The following RAPGEF4 variants were observed in gnomAD, a reference collection of about 807,000 sequenced individuals.
RAPGEF4 encodes Rap guanine nucleotide exchange factor 4, also known as RAP guanine-nucleotide-exchange factor (GEF) 4.
In RAPGEF4, 66 loss-of-function variants were observed where a neutral mutation model predicts 147.9. That is an observed-to-expected ratio of 0.45 (90% CI 0.37 to 0.55). The LOEUF is 0.55. RAPGEF4 is among the 20% of genes least tolerant of loss of function. The probability of loss-of-function intolerance (pLI) is 0.00; values close to 1 mark genes in which losing one functional copy is unlikely to be tolerated. For missense variants in RAPGEF4, 1,071 were observed against 1,257.3 expected (o/e 0.85, Z 2.24); for synonymous variants, 419 against 442.7 (o/e 0.95, Z 0.67).
chr2:172,884,992 A>G (rs1217792613), intron 4 of RAPGEF4, among the ~76,000 whole-genome samples: 2 of 152,224 alleles, frequency 1.3e-5, no homozygotes, highest in African/African-American at 4.8e-5. Flanking sequence ...GTCAGTAGCC[A>G]CAGTGGACTG....
intron 4 of RAPGEF4, among the ~76,000 whole-genome samples, chr2:172,827,803 G>A (rs896905106): frequency 6.6e-6 from 1 of 152,208 alleles, no homozygotes; most frequent in Non-Finnish European, 1.5e-5. Flanking sequence ...GATGTGGGTG[G>A]TGATGATGAT....
chr2:172,870,120 T>C (rs1030750594), intron 4 of RAPGEF4, among the ~76,000 whole-genome samples: 4 of 152,188 alleles, frequency 2.6e-5, no homozygotes, highest in Admixed American at 2.0e-4. Context: ...TACCACTGTG[T>C]GGATACTGCT....
chr2:172,960,695 A>C (rs1232824062), intron 6 of RAPGEF4, 65 bp from the exon 7 acceptor site: 9 of 1,149,274 alleles, frequency 7.8e-6, no homozygotes, highest in Non-Finnish European at 7.6e-6. Flanking sequence ...TTATCCCCCA[A>C]CCCATAATTT....
At chr2:172,856,975 G>A (rs1310509938) in intron 4 of RAPGEF4, among the ~76,000 whole-genome samples, 2 of 108,692 alleles carry the variant, frequency 1.8e-5, no homozygotes, top group African/African-American at 7.5e-5. Flanking sequence ...CCCACCCCCC[G>A]CCCGCCTTTA....
In RAPGEF4 at chr2:172,737,022, C is replaced by T. The variant is rs146579295; in HGVS notation, c.65+974C>T. Among the ~76,000 whole-genome samples, 572 of 152,288 alleles carry T rather than the reference C, an allele frequency of 3.8e-3. 3 individuals are homozygous for T. Among genetic ancestry groups the T allele is most frequent in the Non-Finnish European group, 6.3e-3 (427 of 68,022 alleles). ...TTGAAAAATTTTCAATTAACAGATT[C>T]GTAACCAGATCAAACTTGAAAATCT... On this transcript the variant is annotated intron_variant, in intron 1 of 30. Transcript: ENST00000397081.
intron 17 of RAPGEF4, among the ~76,000 whole-genome samples, chr2:173,011,145 A>G (rs745338131): frequency 1.4e-5 from 2 of 145,020 alleles, no homozygotes; most frequent in Non-Finnish European, 3.0e-5. Flanking sequence ...CAGCTGCGGG[A>G]ACCTTGGAAC....
Position 172,824,178 on chromosome 2 carries a change from T to C in RAPGEF4, c.444+9753T>C, listed in dbSNP as rs1574955078. ...ACTTTTTGGTAACTTTCATCATTTGTAGTTGTAGTTCTTAAAACTGGTTTC... is the reference window on the plus strand; with the variant it reads ...ACTTTTTGGTAACTTTCATCATTTGCAGTTGTAGTTCTTAAAACTGGTTTC... On this transcript the variant is annotated intron_variant, in intron 4 of 30. Coordinates refer to ENST00000397081, the MANE Select transcript of RAPGEF4 (RefSeq NM_007023.4). 2.6e-5 allele frequency among the ~76,000 whole-genome samples: 4 copies of C among 152,372 alleles called. No homozygotes were observed. The East Asian group carries it at 7.7e-4, about 29-fold the overall frequency.
intron 6 of RAPGEF4, among the ~76,000 whole-genome samples, chr2:172,923,435 A>AT (rs1217367214): frequency 1.3e-5 from 2 of 151,918 alleles, no homozygotes; most frequent in African/African-American, 4.8e-5. Flanking sequence ...CACCCAGCCA[A>AT]TTTTTTATTT....
At chr2:172,823,678 AG>A (rs903210901) in intron 4 of RAPGEF4, among the ~76,000 whole-genome samples, 2 of 152,224 alleles carry the variant, frequency 1.3e-5, no homozygotes, top group African/African-American at 4.8e-5. Flanking sequence ...TCTGACACAC[AG>A]GATGAAGCAG....
At chr2:173,022,330 T>A (rs1696181615) in intron 23 of RAPGEF4, among the ~76,000 whole-genome samples, 1 of 152,236 alleles carries the variant, frequency 6.6e-6, no homozygotes, top group Non-Finnish European at 1.5e-5. Context: ...TTGCTCGTCC[T>A]CTGTTTTAAG....
At chr2:172,860,758 G>A (rs941017683) in intron 4 of RAPGEF4, among the ~76,000 whole-genome samples, 2 of 151,938 alleles carry the variant, frequency 1.3e-5, no homozygotes, top group African/African-American at 2.4e-5. Context: ...TGCTAGAAAC[G>A]CATTATATTT....
chr2:173,032,645 C>T (rs1016112343), intron 26 of RAPGEF4, among the ~76,000 whole-genome samples: 1 of 152,172 alleles, frequency 6.6e-6, no homozygotes, highest in African/African-American at 2.4e-5. Flanking sequence ...TTTGAATAGT[C>T]TCCCCTAAGT....
intron 1 of RAPGEF4, among the ~76,000 whole-genome samples, chr2:172,785,599 A>G (rs2149521349): frequency 6.6e-6 from 1 of 152,346 alleles, no homozygotes; most frequent in East Asian, 1.9e-4. Context: ...AGTGAACATT[A>G]CACTCAATGT....
intron 4 of RAPGEF4, among the ~76,000 whole-genome samples, chr2:172,916,664 G>T (rs1684107030): frequency 6.6e-6 from 1 of 152,170 alleles, no homozygotes; most frequent in Non-Finnish European, 1.5e-5. Flanking sequence ...AGTTGCCTCA[G>T]AATGAGAAGA....
At position 173,021,865 on chromosome 2, in the gene RAPGEF4, G is replaced by A. The variant is rs576934969; in HGVS notation, c.2253+1150G>A. On this transcript the variant is annotated intron_variant, in intron 23 of 30. Coordinates refer to ENST00000397081, the MANE Select transcript of RAPGEF4 (RefSeq NM_007023.4). ...TTGAATTCACTTGGAGAGGAACTTA[G>A]CAAATGTGGCATTAGTTTTCCTGCT... is the stretch of plus-strand genomic sequence containing the variant. 3.9e-5 allele frequency among the ~76,000 whole-genome samples: 6 copies of A among 152,256 alleles called. No homozygotes were observed. The South Asian group carries it at 1.2e-3, about 32-fold the overall frequency.
intron 4 of RAPGEF4, among the ~76,000 whole-genome samples, chr2:172,852,787 T>G (rs925896231): frequency 6.6e-6 from 1 of 152,140 alleles, no homozygotes; most frequent in Non-Finnish European, 1.5e-5. Context: ...GACATATCTT[T>G]TTATTTTTAA....
chr2:172,790,777 C>A (rs189189858), intron 1 of RAPGEF4, among the ~76,000 whole-genome samples: 1 of 152,166 alleles, frequency 6.6e-6, no homozygotes, highest in African/African-American at 2.4e-5. Context: ...CCTTTATCCA[C>A]GCTCAATGAG....
intron 24 of RAPGEF4, 115 bp downstream of exon 24, chr2:173,026,812 T>G: frequency 7.2e-7 from 1 of 1,382,398 alleles, no homozygotes; most frequent in Non-Finnish European, 9.8e-7. Flanking sequence ...CATGACCATT[T>G]TTTTGCATAC....
In RAPGEF4 at chr2:172,835,016, C is replaced by G. The variant is rs938287974; in HGVS notation, c.444+20591C>G. Among the ~76,000 whole-genome samples the G allele has an allele frequency of 3.3e-5, 5 of 152,316 alleles. No individual in the cohort carries two copies. The Middle Eastern group carries it at 0.01, about 311-fold the overall frequency. On this transcript the variant is annotated intron_variant, in intron 4 of 30. Coordinates refer to ENST00000397081, the MANE Select transcript of RAPGEF4 (RefSeq NM_007023.4). Reference sequence around the variant, plus strand: ...GAGCTATGTAGGAGTTTTTGCCCCCCACTAGCTGACACCAGTACGTTACAG... The same window carrying G: ...GAGCTATGTAGGAGTTTTTGCCCCCGACTAGCTGACACCAGTACGTTACAG...
Sources: gnomAD v4.1 joint callset for allele counts (sites outside exome capture counted in the v4.1 genomes callset) on GRCh38, gnomAD v4.1.1 for gene constraint, MANE v1.5 for transcripts, NCBI Gene and HGNC (gene_info 2026-07-23, HGNC 2026-07-21) for gene names.